Variants in XPO4 observed in about 807,000 individuals in gnomAD.
XPO4 encodes the protein exportin-4.
A neutral mutation model predicts 143.0 loss-of-function variants in XPO4; 39 were observed. The observed-to-expected ratio is 0.27, with a 90% CI of 0.21 to 0.36. The LOEUF is 0.36. XPO4 is among the 10% of genes least tolerant of loss of function. XPO4 has a pLI of 1.00. For synonymous variants in XPO4, 439 were observed against 474.0 expected, an observed-to-expected ratio of 0.93 and a Z score of 0.96; for missense variants, 907 against 1,348.0, an observed-to-expected ratio of 0.67 and a Z score of 5.12.
At chr13:20,854,709 C>T (rs74036460) in intron 4 of XPO4, among the ~76,000 whole-genome samples, 3,130 of 152,078 alleles carry the variant, frequency 0.021, 84 homozygotes, top group Middle Eastern at 0.075. Context: ...TAATAGCAAC[C>T]GCAACTCCTC....
chr13:20,862,784 G>C lies in XPO4; in HGVS notation c.250C>G (p.Leu84Val). Residue 84 changes from leucine (L) to valine (V), a missense_variant, in exon 3 of 23, where the codon CTC (leucine) becomes GTC (valine). Leu to Val is a conservative substitution (Grantham distance 32, BLOSUM62 1). Transcript: ENST00000255305. ...IMEAVVREWI[L>V]LEKGSIESLR... ...GACTCGATGCTACCTTTTTCCAAGA[G>C]AATCCACTCTCGGACAACTGCTTCC... is the stretch of plus-strand genomic sequence containing the variant. 2 of 1,614,166 alleles carry C rather than the reference G, an allele frequency of 1.2e-6. No individual in the cohort carries two copies. Among genetic ancestry groups the C allele is most frequent in the Non-Finnish European group, 1.7e-6 (2 of 1,180,018 alleles).
At chr13:20,816,807 C>T (rs1036420245) in intron 9 of XPO4, among the ~76,000 whole-genome samples, 2 of 152,222 alleles carry the variant, frequency 1.3e-5, no homozygotes, top group Non-Finnish European at 2.9e-5. Flanking sequence ...ATTCTTAAAA[C>T]ACTTCTTTTA....
intron 1 of XPO4, among the ~76,000 whole-genome samples, chr13:20,885,317 T>G (rs369012268): frequency 7.6e-4 from 116 of 152,284 alleles, no homozygotes; most frequent in African/African-American, 2.8e-3. Flanking sequence ...ATATTATCTT[T>G]GGACTAAATT....
rs1321291526 is a variant in XPO4 at position 20,782,954 on chromosome 13, T to C, written c.*768A>G. On this transcript the variant is annotated 3_prime_UTR_variant, in exon 23 of 23. Coordinates refer to ENST00000255305, the MANE Select transcript of XPO4 (RefSeq NM_022459.5). The stretch of plus-strand genomic sequence containing the variant: ...TTGTATTACACAAAACCTGCAGCAC[T>C]GGGTTGATGTGAGAGAGAGAGAGAA... 2 of 152,320 alleles carry C rather than the reference T, an allele frequency of 1.3e-5. No homozygotes were observed. The highest frequency in any genetic ancestry group is 2.9e-5 in the Non-Finnish European group (2 of 67,990). The allele number at this position is 152,320 out of a possible 1,614,324, so 9.4% of individuals were successfully genotyped here.
At chr13:20,848,152 G>C (rs1485941955) in intron 4 of XPO4, 1 of 775,896 alleles carries the variant, frequency 1.3e-6, no homozygotes, top group African/African-American at 1.9e-5. Flanking sequence ...CAATTTGACT[G>C]CCACTAACAG....
At chr13:20,869,618 A>G in intron 1 of XPO4, 1 of 782,652 alleles carries the variant, frequency 1.3e-6, no homozygotes, top group South Asian at 5.9e-5. Flanking sequence ...AAATTATATC[A>G]ATTATGCAAC....
At position 20,862,872 on chromosome 13, in the gene XPO4, T is replaced by A. The variant is rs750574862; in HGVS notation, c.176-14A>T. Reference sequence around the variant, plus strand: ...CTTTACTAGTTTCTGAGGAGAAAATTAAAAACTTTATTTAAACAATAATTC... The same window carrying A: ...CTTTACTAGTTTCTGAGGAGAAAATAAAAAACTTTATTTAAACAATAATTC... On this transcript the variant is annotated splice_polypyrimidine_tract_variant and intron_variant, in intron 2 of 22. Coordinates refer to ENST00000255305, the MANE Select transcript of XPO4 (RefSeq NM_022459.5). The A allele has an allele frequency of 6.2e-6, 10 of 1,609,616 alleles. No individual in the cohort carries two copies. Among genetic ancestry groups the A allele is most frequent in the Non-Finnish European group, 7.6e-6 (9 of 1,178,708 alleles).
intron 1 of XPO4, among the ~76,000 whole-genome samples, chr13:20,900,027 C>T (rs1356204968): frequency 6.6e-6 from 1 of 152,186 alleles, no homozygotes; most frequent in Non-Finnish European, 1.5e-5. Context: ...CTACCCCTTG[C>T]TATGTAAATT....
chr13:20,901,464 T>G (rs544414961), intron 1 of XPO4, among the ~76,000 whole-genome samples: 1 of 152,330 alleles, frequency 6.6e-6, no homozygotes, highest in South Asian at 2.1e-4. Context: ...CAGGGATTTT[T>G]AAGAATCTTT....
At chr13:20,839,765 C>G (rs1437024256) in intron 6 of XPO4, among the ~76,000 whole-genome samples, 1 of 152,114 alleles carries the variant, frequency 6.6e-6, no homozygotes, top group Non-Finnish European at 1.5e-5. Flanking sequence ...GGTGGATCAA[C>G]CTGAGGTCAG....
At chr13:20,796,330 T>G in intron 17 of XPO4, 74 bp from the exon 18 acceptor site, 3 of 1,107,260 alleles carry the variant, frequency 2.7e-6, no homozygotes, top group Non-Finnish European at 2.4e-6. Flanking sequence ...ATATAATCTA[T>G]ATAAATTAAC....
In XPO4 at chr13:20,874,721, C is replaced by T. The variant is rs140802186; in HGVS notation, c.70-6020G>A. ...ATCAACTTCTGTTCTTGGCTGGGTG[C>T]GGTGGCTCACGCCTGTAATCCTAGC... On this transcript the variant is annotated intron_variant, in intron 1 of 22. Transcript: ENST00000255305. Among the ~76,000 whole-genome samples the T allele has an allele frequency of 3.4e-3, 513 of 152,300 alleles. 4 individuals carry two copies. The highest frequency in any genetic ancestry group is 0.012 in the African/African-American group (493 of 41,576).
At chr13:20,839,125 G>C (rs186929709) in intron 6 of XPO4, among the ~76,000 whole-genome samples, 3 of 152,024 alleles carry the variant, frequency 2.0e-5, no homozygotes, top group Non-Finnish European at 2.9e-5. Context: ...CTAGCAGGGC[G>C]TAGTGGTGTG....
intron 6 of XPO4, among the ~76,000 whole-genome samples, chr13:20,831,804 A>ATTTTTTTTTTTTTTTTTTTT (rs34302388): frequency 1.1e-5 from 1 of 88,786 alleles, no homozygotes; most frequent in Non-Finnish European, 2.1e-5. Context: ...TAGTACAGTG[A>ATTTTTTTTTTTTTTTTTTTT]TTTTTTTTTT....
At chr13:20,822,107 A>G in intron 8 of XPO4, 25 bp downstream of exon 8, 1 of 1,574,170 alleles carries the variant, frequency 6.4e-7, no homozygotes. Flanking sequence ...CTCCTTTTTC[A>G]GCTGCAAAGG....
intron 10 of XPO4, among the ~76,000 whole-genome samples, 167 bp from the exon 11 acceptor site, chr13:20,809,392 C>T (rs1449818297): frequency 6.6e-6 from 1 of 152,220 alleles, no homozygotes; most frequent in East Asian, 1.9e-4. Context: ...TCTAACAATG[C>T]TGACAGCCGT....
intron 6 of XPO4, among the ~76,000 whole-genome samples, chr13:20,828,110 A>G (rs923665248): frequency 3.3e-5 from 5 of 152,094 alleles, no homozygotes; most frequent in Non-Finnish European, 4.4e-5. Flanking sequence ...GGTGGCAGGC[A>G]CCTGTAATCC....
At chr13:20,862,418 G>A (rs770655159) in intron 3 of XPO4, among the ~76,000 whole-genome samples, 7 of 152,216 alleles carry the variant, frequency 4.6e-5, no homozygotes, top group Admixed American at 2.0e-4. Context: ...CTACAATCAC[G>A]TGTATACAAG....
At chr13:20,848,192 T>C (rs1283045295) in intron 4 of XPO4, 1 of 962,164 alleles carries the variant, frequency 1.0e-6, no homozygotes, top group Non-Finnish European at 1.2e-6. Context: ...TTTCATTTGC[T>C]CACAGGTTAG....
Sources: gnomAD v4.1 joint callset for allele counts (sites outside exome capture counted in the v4.1 genomes callset) on GRCh38, gnomAD v4.1.1 for gene constraint, MANE v1.5 for transcripts, NCBI Gene and HGNC (gene_info 2026-07-23, HGNC 2026-07-21) for gene names.